The following GRID2 variants were observed in gnomAD, a reference collection of about 807,000 sequenced individuals.
GRID2 encodes the protein glutamate receptor ionotropic, delta-2.
A neutral mutation model predicts 114.8 loss-of-function variants in GRID2; 33 were observed. That is an observed-to-expected ratio of 0.29 (90% CI 0.22 to 0.38). The LOEUF (loss-of-function observed/expected upper bound fraction) is 0.38, where lower values mean the gene tolerates loss of function less well. Among genes scored for constraint, GRID2 ranks in the 10% least tolerant of loss-of-function variants. GRID2 has a pLI of 1.00. For synonymous variants in GRID2, 505 were observed against 449.9 expected (o/e 1.12, Z -1.55); for missense variants, 1,184 against 1,257.7 (o/e 0.94, Z 0.89).
At position 93,085,213 on chromosome 4, in the gene GRID2, G is replaced by A; in HGVS notation, c.463G>A (p.Val155Ile). The stretch of plus-strand genomic sequence containing the variant: ...TCGCCCACCTGTCTACTTGCATGAT[G>A]TTATCCTAAGAGTGGTCACAGAGTA... The part of the protein sequence containing the change: ...SVRPPVYLHD[V>I]ILRVVTEYAW... Residue 155 changes from valine (V) to isoleucine (I), a missense_variant, in exon 3 of 16, where the codon GTT becomes ATT. This residue lies in a region of GRID2 where 455 missense variants were observed against 429.5 expected (regional missense o/e 1.06). Transcript: ENST00000282020. 6.2e-7 allele frequency: 1 copy of A among 1,613,762 alleles called. No homozygotes were observed.
rs375780413 is a variant in GRID2, at chr4:92,925,626, C to T, written c.245-159369C>T. 1.3e-4 allele frequency among the ~76,000 whole-genome samples: 20 copies of T among 151,968 alleles called. 1 individual carries two copies. In the East Asian group the frequency reaches 3.3e-3, roughly 25 times the overall value. ...TAACATTTATATTGGTAAACTCTTTCAAAATAAATGTAGAAATTTTCTGTG... is the reference window on the plus strand; with the variant it reads ...TAACATTTATATTGGTAAACTCTTTTAAAATAAATGTAGAAATTTTCTGTG... On this transcript the variant is annotated intron_variant, in intron 2 of 15. Coordinates refer to ENST00000282020, the MANE Select transcript of GRID2 (RefSeq NM_001510.4).
chr4:92,823,707 T>C (rs1741462609), intron 2 of GRID2, among the ~76,000 whole-genome samples: 1 of 152,146 alleles, frequency 6.6e-6, no homozygotes, highest in South Asian at 2.1e-4. Context: ...TAAGATAAAT[T>C]AGTTGTTTGG....
intron 2 of GRID2, among the ~76,000 whole-genome samples, chr4:92,992,965 T>C (rs969863767): frequency 6.6e-6 from 1 of 152,056 alleles, no homozygotes; most frequent in African/African-American, 2.4e-5. Context: ...CTTGTCACTT[T>C]CCATTGCAGC....
At chr4:92,869,514 A>G (rs1056614202) in intron 2 of GRID2, among the ~76,000 whole-genome samples, 1 of 152,228 alleles carries the variant, frequency 6.6e-6, no homozygotes, top group Non-Finnish European at 1.5e-5. Context: ...ATCTTAGCCC[A>G]TCTTTGTGTC....
At chr4:92,923,156 A>C (rs1749506586) in intron 2 of GRID2, among the ~76,000 whole-genome samples, 1 of 152,226 alleles carries the variant, frequency 6.6e-6, no homozygotes, top group African/African-American at 2.4e-5. Context: ...ACTATGTAGT[A>C]ATCTTAATGC....
chr4:93,316,962 C>T (rs1305347929), intron 8 of GRID2, among the ~76,000 whole-genome samples: 6 of 152,048 alleles, frequency 3.9e-5, no homozygotes, highest in African/African-American at 1.4e-4. Flanking sequence ...GCATTCCTTA[C>T]TAAGAAACCA....
intron 3 of GRID2, among the ~76,000 whole-genome samples, chr4:93,097,114 T>G (rs1055948824): frequency 6.6e-6 from 1 of 151,990 alleles, no homozygotes; most frequent in African/African-American, 2.4e-5. Context: ...AATCAGACAG[T>G]GGTCACATCT....
At chr4:92,747,151 C>A (rs985920637) in intron 2 of GRID2, among the ~76,000 whole-genome samples, 2 of 151,856 alleles carry the variant, frequency 1.3e-5, no homozygotes, top group Non-Finnish European at 2.9e-5. Context: ...AGGTAAAATA[C>A]CCTAAAATGA....
intron 6 of GRID2, 34 bp downstream of exon 6, chr4:93,216,945 G>T: frequency 6.7e-7 from 1 of 1,502,712 alleles, no homozygotes; most frequent in Non-Finnish European, 9.2e-7. Flanking sequence ...TTCTTCCAGG[G>T]TGCTTTGTTG....
At chr4:92,791,073 A>G (rs991904769) in intron 2 of GRID2, among the ~76,000 whole-genome samples, 2 of 151,828 alleles carry the variant, frequency 1.3e-5, no homozygotes, top group African/African-American at 4.8e-5. Flanking sequence ...GCTTAGTTTA[A>G]TGCTGATTCT....
intron 1 of GRID2, among the ~76,000 whole-genome samples, chr4:92,449,711 A>ATATATATC (rs1466326075): frequency 7.7e-6 from 1 of 130,136 alleles, no homozygotes; most frequent in African/African-American, 3.1e-5. Flanking sequence ...ATATATATAT[A>ATATATATC]ACACTTAAGC....
At chr4:93,012,484 C>T (rs1041956640) in intron 2 of GRID2, among the ~76,000 whole-genome samples, 3 of 151,946 alleles carry the variant, frequency 2.0e-5, no homozygotes, top group African/African-American at 4.8e-5. Flanking sequence ...CCTAGGGCAA[C>T]GTGGTGTAAA....
intron 2 of GRID2, among the ~76,000 whole-genome samples, chr4:92,701,221 T>C (rs1166840937): frequency 1.3e-5 from 2 of 152,156 alleles, no homozygotes; most frequent in African/African-American, 4.8e-5. Flanking sequence ...TTTTTAGCTT[T>C]GTGTCTAATG....
intron 1 of GRID2, among the ~76,000 whole-genome samples, chr4:92,328,847 G>A (rs1470397301): frequency 6.6e-6 from 1 of 151,920 alleles, no homozygotes; most frequent in Admixed American, 6.6e-5. Flanking sequence ...AATACCTACT[G>A]GGAAGTGTTT....
At chr4:92,900,589 G>C (rs1305550359) in intron 2 of GRID2, among the ~76,000 whole-genome samples, 1 of 152,176 alleles carries the variant, frequency 6.6e-6, no homozygotes, top group Non-Finnish European at 1.5e-5. Flanking sequence ...CCAGCACTTT[G>C]GGAGGCCGAG....
At chr4:92,578,308 C>T (rs1728006590) in intron 1 of GRID2, among the ~76,000 whole-genome samples, 1 of 128,376 alleles carries the variant, frequency 7.8e-6, no homozygotes, top group Non-Finnish European at 1.6e-5. Context: ...GTGATGTTCC[C>T]CTTCCCGTGT....
At chr4:93,367,578 G>A (rs1762463001) in intron 8 of GRID2, among the ~76,000 whole-genome samples, 1 of 152,152 alleles carries the variant, frequency 6.6e-6, no homozygotes, top group Admixed American at 6.6e-5. Context: ...TAATACAGAG[G>A]AAATTGTGCC....
intron 8 of GRID2, among the ~76,000 whole-genome samples, chr4:93,391,240 T>A (rs1764825266): frequency 1.3e-5 from 2 of 152,176 alleles, no homozygotes; most frequent in African/African-American, 4.8e-5. Flanking sequence ...CATGTCAAAG[T>A]GGAAAACATT....
chr4:92,595,749 A>C (rs1057021001), intron 2 of GRID2, among the ~76,000 whole-genome samples: 2 of 152,090 alleles, frequency 1.3e-5, no homozygotes, highest in Non-Finnish European at 2.9e-5. Flanking sequence ...ATGTGTGTAA[A>C]TGGGATGACA....
Sources: gnomAD v4.1 joint callset for allele counts (sites outside exome capture counted in the v4.1 genomes callset) on GRCh38, gnomAD v4.1.1 for gene constraint, gnomAD v4.1.1 regional missense constraint, MANE v1.5 for transcripts, NCBI Gene and HGNC (gene_info 2026-07-23, HGNC 2026-07-21) for gene names.